Variants in CYRIA observed in about 807,000 individuals in gnomAD.
The protein encoded by CYRIA is CYFIP related Rac1 interactor A, also known as CYFIP-related Rac1 interactor A.
Under a neutral mutation model 43.9 loss-of-function variants are expected in CYRIA, and 15 were observed. The ratio of observed to expected loss-of-function variants is 0.34; its 90% CI spans 0.23 to 0.53. The LOEUF (loss-of-function observed/expected upper bound fraction) is 0.53. CYRIA is among the 20% of genes least tolerant of loss of function. CYRIA has a pLI of 0.94. For synonymous variants in CYRIA, 117 were observed against 136.0 expected, an observed-to-expected ratio of 0.86 and a Z score of 0.97; for missense variants, 236 against 394.2, an observed-to-expected ratio of 0.60 and a Z score of 3.40.
chr2:16,584,691 T>C (rs904352510), intron 3 of CYRIA, among the ~76,000 whole-genome samples: 2 of 152,176 alleles, frequency 1.3e-5, no homozygotes, highest in Admixed American at 6.5e-5. Context: ...CATTTGGTGT[T>C]TCATCTAAAT....
chr2:16,609,149 AG>A (rs1668507809), intron 2 of CYRIA, among the ~76,000 whole-genome samples: 1 of 152,182 alleles, frequency 6.6e-6, no homozygotes, highest in Admixed American at 6.5e-5. Context: ...GATCTCACAG[AG>A]GCGGCTGCAG....
intron 1 of CYRIA, among the ~76,000 whole-genome samples, chr2:16,647,540 G>A (rs902723086): frequency 1.3e-5 from 2 of 152,158 alleles, no homozygotes; most frequent in African/African-American, 4.8e-5. Context: ...CTCAGCAAGT[G>A]CCAGTTTCCT....
At chr2:16,651,189 C>T (rs1009301366) in intron 1 of CYRIA, among the ~76,000 whole-genome samples, 4 of 152,100 alleles carry the variant, frequency 2.6e-5, no homozygotes, top group Non-Finnish European at 5.9e-5. Context: ...GGTTTCCTAC[C>T]CTGACCCAAG....
At chr2:16,615,546 GTCTTCAC>G (rs142168916) in intron 2 of CYRIA, among the ~76,000 whole-genome samples, 1,813 of 152,290 alleles carry the variant, frequency 0.012, 33 homozygotes, top group African/African-American at 0.041. Context: ...TGGCTATGAA[GTCTTCAC>G]TCTTTCTACA....
intron 9 of CYRIA, among the ~76,000 whole-genome samples, chr2:16,559,825 T>C (rs1197091545): frequency 2.0e-5 from 3 of 152,182 alleles, no homozygotes; most frequent in Non-Finnish European, 2.9e-5. Flanking sequence ...CCTTCTCATC[T>C]GCCCTTCAGC....
At position 16,588,132 on chromosome 2, in the gene CYRIA, A is replaced by T. The variant is rs1380725548; in HGVS notation, c.-10-3T>A. 2 of 1,597,346 alleles carry T rather than the reference A, an allele frequency of 1.3e-6. No individual in the cohort carries two copies. Among genetic ancestry groups the T allele is most frequent in the Non-Finnish European group, 1.7e-6 (2 of 1,170,326 alleles). The stretch of plus-strand genomic sequence containing the variant: ...GCAGGTTTCCCATCCCAGCAAACCT[A>T]GGAAAGGCAACACAAAACCAAATAC... On this transcript the variant is annotated splice_polypyrimidine_tract_variant and splice_region_variant and intron_variant, in intron 2 of 11. Transcript: ENST00000381323.
chr2:16,556,955 T>C (rs895791573), intron 10 of CYRIA, among the ~76,000 whole-genome samples: 2 of 151,648 alleles, frequency 1.3e-5, no homozygotes, highest in African/African-American at 2.4e-5. Flanking sequence ...AAGGAACAGG[T>C]TTGTGGGGGG....
intron 3 of CYRIA, among the ~76,000 whole-genome samples, chr2:16,568,155 A>C (rs1667008351): frequency 6.9e-6 from 1 of 145,602 alleles, no homozygotes; most frequent in African/African-American, 2.5e-5. Context: ...TTCTCACTGG[A>C]GTATTTTGCA....
At chr2:16,568,849 C>A (rs1379653837) in intron 3 of CYRIA, among the ~76,000 whole-genome samples, 1 of 152,044 alleles carries the variant, frequency 6.6e-6, no homozygotes, top group Non-Finnish European at 1.5e-5. Flanking sequence ...CTGGCTCCAC[C>A]CTAGCAAATC....
At chr2:16,614,369 C>G (rs1668706638) in intron 2 of CYRIA, among the ~76,000 whole-genome samples, 1 of 152,164 alleles carries the variant, frequency 6.6e-6, no homozygotes, top group Non-Finnish European at 1.5e-5. Context: ...ACAATTAAAC[C>G]AAACAAACAA....
At chr2:16,569,126 C>T (rs1393984729) in intron 3 of CYRIA, among the ~76,000 whole-genome samples, 2 of 152,174 alleles carry the variant, frequency 1.3e-5, no homozygotes, top group Non-Finnish European at 2.9e-5. Flanking sequence ...AACAAATCAG[C>T]ACTGACATTT....
chr2:16,570,912 G>A (rs1050774462), intron 3 of CYRIA, among the ~76,000 whole-genome samples: 2 of 152,108 alleles, frequency 1.3e-5, no homozygotes, highest in African/African-American at 2.4e-5. Context: ...CGGAAATTGA[G>A]GAGAATGGTT....
At chr2:16,564,785 C>T (rs916954176) in intron 4 of CYRIA, among the ~76,000 whole-genome samples, 10 of 152,196 alleles carry the variant, frequency 6.6e-5, no homozygotes, top group African/African-American at 1.7e-4. Context: ...TAAGGTATTG[C>T]GAAGTTGCAA....
intron 3 of CYRIA, among the ~76,000 whole-genome samples, chr2:16,572,980 C>A (rs11676158): frequency 0.027 from 4,078 of 152,298 alleles, 79 homozygotes; most frequent in South Asian, 0.042. Flanking sequence ...GCTTCTTGAA[C>A]AAGAGATCAT....
In CYRIA at chr2:16,624,533, C is replaced by T. The variant is rs561569825; in HGVS notation, c.-166-514G>A. On this transcript the variant is annotated intron_variant, in intron 1 of 11. Coordinates refer to ENST00000381323, the MANE Select transcript of CYRIA (RefSeq NM_030797.4). ...TTAGAAAAATATTGTTATAAAATAC[C>T]ATGACCCATGAACACAGTGACACAG... Among the ~76,000 whole-genome samples, 7 of 152,218 alleles carry T rather than the reference C, an allele frequency of 4.6e-5. No individual in the cohort carries two copies. The South Asian group carries it at 1.4e-3, about 32-fold the overall frequency.
chr2:16,634,913 G>A (rs1347930250), intron 1 of CYRIA, among the ~76,000 whole-genome samples: 1 of 152,208 alleles, frequency 6.6e-6, no homozygotes, highest in African/African-American at 2.4e-5. Context: ...GTTTATCCCA[G>A]ATAATTGGTT....
chr2:16,615,547 T>G (rs1368309217), intron 2 of CYRIA, among the ~76,000 whole-genome samples: 2 of 148,554 alleles, frequency 1.3e-5, no homozygotes, highest in Non-Finnish European at 2.9e-5. Context: ...GGCTATGAAG[T>G]CTTCACTCTT....
chr2:16,659,689 A>G (rs1389329511), intron 1 of CYRIA, among the ~76,000 whole-genome samples: 1 of 152,214 alleles, frequency 6.6e-6, no homozygotes, highest in African/African-American at 2.4e-5. Flanking sequence ...GCCAATGCGA[A>G]TGAGAGAACT....
chr2:16,620,214 G>A (rs1368609275), intron 2 of CYRIA, among the ~76,000 whole-genome samples: 1 of 152,094 alleles, frequency 6.6e-6, no homozygotes, highest in African/African-American at 2.4e-5. Flanking sequence ...GTGGAGAGAG[G>A]GTTAAGGAAT....
Sources: gnomAD v4.1 joint callset for allele counts (sites outside exome capture counted in the v4.1 genomes callset) on GRCh38, gnomAD v4.1.1 for gene constraint, MANE v1.5 for transcripts, NCBI Gene and HGNC (gene_info 2026-07-23, HGNC 2026-07-21) for gene names.